PSMC3: variants seen among roughly 807,000 people sequenced by gnomAD.
PSMC3 encodes the protein 26S proteasome regulatory subunit 6A.
A neutral mutation model predicts 52.0 loss-of-function variants in PSMC3; 11 were observed. That is an observed-to-expected ratio of 0.21 (90% CI 0.13 to 0.35). The LOEUF (loss-of-function observed/expected upper bound fraction) is 0.35. Among genes scored for constraint, PSMC3 ranks in the 10% least tolerant of loss-of-function variants. The pLI, the probability that PSMC3 is intolerant of heterozygous loss-of-function variation, is 1.00. For synonymous variants in PSMC3, 201 were observed against 218.8 expected, an observed-to-expected ratio of 0.92 and a Z score of 0.72; for missense variants, 238 against 567.1, an observed-to-expected ratio of 0.42 and a Z score of 5.89.
At position 47,424,973 on chromosome 11, in the gene PSMC3, G is replaced by C; in HGVS notation, c.285+148C>G. Reference sequence around the variant, plus strand: ...GACCTCCCAGGACTTTGCAGGCCCCGTCTTCCCCATGAAAGTGCCCCAGGA... The same window carrying C: ...GACCTCCCAGGACTTTGCAGGCCCCCTCTTCCCCATGAAAGTGCCCCAGGA... On this transcript the variant is annotated intron_variant, in intron 3 of 11. Transcript: ENST00000298852. This position sits in a 1 kb window ranked among gnomAD's most constrained non-coding sequence, Gnocchi z 4.8. The C allele has an allele frequency of 1.6e-6, 2 of 1,231,822 alleles. No homozygotes were observed. Among genetic ancestry groups the C allele is most frequent in the Non-Finnish European group, 2.3e-6 (2 of 877,196 alleles). The allele number at this position is 1,231,822 out of a possible 1,614,324, so 76.3% of individuals were successfully genotyped here. A position where few individuals can be genotyped will look rare whatever the true frequency, so the allele number is the denominator to read the frequency against.
chr11:47,420,502 A>AT, intron 9 of PSMC3, 93 bp from the exon 10 acceptor site: 2 of 1,533,744 alleles, frequency 1.3e-6, no homozygotes, highest in South Asian at 2.4e-5. Context: ...CCCAGAGTGC[A>AT]GGTGAGACAC....
intron 6 of PSMC3, among the ~76,000 whole-genome samples, chr11:47,423,234 C>T (rs2096042775): frequency 6.6e-6 from 1 of 151,674 alleles, no homozygotes; most frequent in Admixed American, 6.6e-5. Flanking sequence ...TCCGTCTCTA[C>T]TAAAAATACA....
At chr11:47,425,709 T>C in intron 2 of PSMC3, 158 bp downstream of exon 2, 1 of 635,460 alleles carries the variant, frequency 1.6e-6, no homozygotes, top group Non-Finnish European at 2.7e-6. Context: ...TTGTCCCTTT[T>C]AAGGCTTAGT....
chr11:47,423,038 T>C, intron 6 of PSMC3, 65 bp from the exon 7 acceptor site: 1 of 1,484,686 alleles, frequency 6.7e-7, no homozygotes. Flanking sequence ...CAACCCTTCA[T>C]GGCTCCAACC....
chr11:47,425,315 G>T, intron 2 of PSMC3, 69 bp from the exon 3 acceptor site: 1 of 1,592,938 alleles, frequency 6.3e-7, no homozygotes, highest in Non-Finnish European at 8.6e-7. Context: ...CCTGTAACTA[G>T]TGAGGTCCAG....
Position 47,419,199 on chromosome 11 carries a change from T to TGG in PSMC3, c.1128-4_1128-3dup. 6.2e-7 allele frequency: 1 copy of TGG among 1,614,110 alleles called. No individual in the cohort carries two copies. The highest frequency in any genetic ancestry group is 8.5e-7 in the Non-Finnish European group (1 of 1,180,012). On this transcript the variant is annotated splice_polypyrimidine_tract_variant and splice_region_variant and intron_variant, in intron 10 of 11. Coordinates refer to ENST00000298852, the MANE Select transcript of PSMC3 (RefSeq NM_002804.5). ...AGCTCCTCGTAGTTCACGTCAGGAC[T>TGG]GGGGACAGGACAGATACCACAGGCT...
Position 47,424,216 on chromosome 11 carries a change from C to A in PSMC3, c.454-33G>T. 1 of 1,614,120 alleles carries A rather than the reference C, an allele frequency of 6.2e-7. No homozygotes were observed. Among genetic ancestry groups the A allele is most frequent in the Non-Finnish European group, 8.5e-7 (1 of 1,179,976 alleles). Reference sequence around the variant, plus strand: ...CACAGCACAGGGCCTTCAGATTTGGCCCAGCTCAAGGGCTACCCAACTGAC... The same window carrying A: ...CACAGCACAGGGCCTTCAGATTTGGACCAGCTCAAGGGCTACCCAACTGAC... On this transcript the variant is annotated intron_variant, in intron 5 of 11. Transcript: ENST00000298852. This position sits in a 1 kb window ranked among gnomAD's most constrained non-coding sequence, Gnocchi z 4.8.
At chr11:47,425,760 C>T (rs2096045682) in intron 2 of PSMC3, 107 bp downstream of exon 2, 2 of 922,702 alleles carry the variant, frequency 2.2e-6, no homozygotes, top group South Asian at 1.6e-5. Flanking sequence ...AAGCCCGAGC[C>T]CCATGTCTCC....
rs2096041202 is a variant in PSMC3 at position 47,422,033 on chromosome 11, TTTTTG to T, written c.884+536_884+540del. Among the ~76,000 whole-genome samples the T allele has an allele frequency of 6.8e-6, 1 of 148,030 alleles. No individual in the cohort carries two copies. Among genetic ancestry groups the T allele is most frequent in the African/African-American group, 2.5e-5 (1 of 40,216 alleles). ...GGTGGCCAGATTCCTGCTTTGGCTT[TTTTTG>T]TTTTGTTTTCTTTTTTTTTTTTTGA... On this transcript the variant is annotated intron_variant, in intron 8 of 11. Transcript: ENST00000298852. This position sits in a 1 kb window ranked among gnomAD's most constrained non-coding sequence, Gnocchi z 4.3.
Position 47,420,253 on chromosome 11 carries a change from C to T in PSMC3, c.1127+11G>A, listed in dbSNP as rs747264865. The T allele has an allele frequency of 2.5e-6, 4 of 1,613,968 alleles. No homozygotes were observed. Among genetic ancestry groups the T allele is most frequent in the Non-Finnish European group, 3.4e-6 (4 of 1,179,952 alleles). On this transcript the variant is annotated intron_variant, in intron 10 of 11. Coordinates refer to ENST00000298852, the MANE Select transcript of PSMC3 (RefSeq NM_002804.5). ...TTCAGGTCTCTGTGCCCTGCCCGTG[C>T]TCCTGCTCACCTGACATTCATCTTT...
chr11:47,423,950 G>A (rs960026078), intron 6 of PSMC3, 96 bp downstream of exon 6: 22 of 1,546,270 alleles, frequency 1.4e-5, no homozygotes, highest in Non-Finnish European at 2.0e-5. Context: ...AGGTTGCTAT[G>A]AGGATGAAAG....
chr11:47,419,269 T>G (rs2096037091), intron 10 of PSMC3, 72 bp from the exon 11 acceptor site: 1 of 1,519,752 alleles, frequency 6.6e-7, no homozygotes, highest in African/African-American at 1.4e-5. Context: ...TATCCTCCCC[T>G]GGCCCCGTCA....
Position 47,420,811 on chromosome 11 carries a change from T to G in PSMC3, c.885-84A>C. ...TCCTCTACCCCCTGGAAGCCTAACCTAACCCGTCCAGGGCAGGGAAATGGC... is the reference window on the plus strand; with the variant it reads ...TCCTCTACCCCCTGGAAGCCTAACCGAACCCGTCCAGGGCAGGGAAATGGC... On this transcript the variant is annotated intron_variant, in intron 8 of 11. Transcript: ENST00000298852. 7 of 1,269,882 alleles carry G rather than the reference T, an allele frequency of 5.5e-6. 1 individual carries two copies. The highest frequency in any genetic ancestry group is 6.7e-6 in the Non-Finnish European group (6 of 900,602). 78.7% of individuals were successfully genotyped at this position (1,269,882 alleles called of 1,614,324 possible).
At position 47,420,322 on chromosome 11, in the gene PSMC3, G is replaced by T; in HGVS notation, c.1069C>A (p.Pro357Thr). The T allele has an allele frequency of 6.2e-7, 1 of 1,614,210 alleles. No individual in the cohort carries two copies. Among genetic ancestry groups the T allele is most frequent in the Non-Finnish European group, 8.5e-7 (1 of 1,180,038 alleles). The change falls in exon 10 of 12, where the codon CCC becomes ACC. Residue 357 changes from proline to threonine, a missense_variant. Around this residue, in one of 6 missense-constraint regions of PSMC3, gnomAD observed 40 missense variants for 53.3 expected, o/e 0.75. Coordinates refer to ENST00000298852, the MANE Select transcript of PSMC3 (RefSeq NM_002804.5). ...ATTCTGGCCCGGGCCTCCTCATTGG[G>T]CATCGGGAACTCTATCTTGCGGTCA... is the stretch of plus-strand genomic sequence containing the variant. ...RLDRKIEFPM[P>T]NEEARARIMQ...
intron 9 of PSMC3, 106 bp from the exon 10 acceptor site, chr11:47,420,515 G>A: frequency 6.6e-7 from 1 of 1,522,912 alleles, no homozygotes; most frequent in Non-Finnish European, 8.9e-7. Flanking sequence ...TGAGACACAT[G>A]GGATGTTAAA....
rs2293579 is a variant in PSMC3, at chr11:47,419,207, G to A, written c.1128-10C>T. On this transcript the variant is annotated splice_polypyrimidine_tract_variant and intron_variant, in intron 10 of 11. Coordinates refer to ENST00000298852, the MANE Select transcript of PSMC3 (RefSeq NM_002804.5). ...GTAGTTCACGTCAGGACTGGGGACA[G>A]GACAGATACCACAGGCTCAGTGGCT... 601,000 of 1,613,228 alleles carry A rather than the reference G, an allele frequency of 0.37. 116,159 individuals are homozygous for A. The highest frequency in any genetic ancestry group is 0.48 in the South Asian group (43,577 of 91,062).
intron 2 of PSMC3, 116 bp downstream of exon 2, chr11:47,425,751 A>G: frequency 2.4e-6 from 2 of 833,358 alleles, no homozygotes; most frequent in Non-Finnish European, 3.8e-6. Context: ...ATGAGGGGGA[A>G]GCCCGAGCCC....
At position 47,418,826 on chromosome 11, in the gene PSMC3, C is replaced by T. The variant is rs1397954111; in HGVS notation, c.*9G>A. The T allele has an allele frequency of 2.5e-6, 4 of 1,611,180 alleles. No homozygotes were observed. The highest frequency in any genetic ancestry group is 1.3e-5 in the African/African-American group (1 of 74,878). On this transcript the variant is annotated 3_prime_UTR_variant, in exon 12 of 12. Coordinates refer to ENST00000298852, the MANE Select transcript of PSMC3 (RefSeq NM_002804.5). ...CTTCAGCCGTGAGACTGGGGCTGGC[C>T]TGTGTGCCCTAGGCGTAGTATTGTA... is the stretch of plus-strand genomic sequence containing the variant.
In PSMC3 at chr11:47,420,278, T is replaced by C; in HGVS notation, c.1113A>G (p.Arg371=). The C allele has an allele frequency of 6.2e-7, 1 of 1,614,170 alleles. No homozygotes were observed. Among genetic ancestry groups the C allele is most frequent in the African/African-American group, 1.3e-5 (1 of 75,042 alleles). Residue 371 remains arginine (R), a synonymous_variant, in exon 10 of 12, where the codon CGA becomes CGG. Coordinates refer to ENST00000298852, the MANE Select transcript of PSMC3 (RefSeq NM_002804.5). The stretch of plus-strand genomic sequence containing the variant: ...CTCCTGCTCACCTGACATTCATCTT[T>C]CGGGAGTGGATCTGCATGATTCTGG... ...ARARIMQIHS[R]KMNVSPDVNY...
Sources: allele counts gnomAD v4.1 joint callset (sites outside exome capture counted in the v4.1 genomes callset), GRCh38; gene constraint gnomAD v4.1.1; regional missense constraint gnomAD v4.1.1; non-coding constraint Gnocchi (gnomAD v3.1); transcripts MANE v1.5; gene names NCBI Gene and HGNC (gene_info 2026-07-23, HGNC 2026-07-21).